The following DYNC1I1 variants were observed in gnomAD, a reference collection of about 807,000 sequenced individuals.
DYNC1I1 encodes cytoplasmic dynein 1 intermediate chain 1.
DYNC1I1 carries 43 observed loss-of-function variants against 86.6 expected under a neutral mutation model. That is an observed-to-expected ratio of 0.50 (90% confidence interval 0.39 to 0.64). DYNC1I1 has a LOEUF of 0.64. Ranked by LOEUF, DYNC1I1 falls within the 30% of genes least tolerant of loss-of-function variation. The pLI is 0.00. For synonymous variants in DYNC1I1, 262 were observed against 283.7 expected, an observed-to-expected ratio of 0.92 and a Z score of 0.77; for missense variants, 604 against 788.8, an observed-to-expected ratio of 0.77 and a Z score of 2.81.
intron 5 of DYNC1I1, among the ~76,000 whole-genome samples, chr7:95,829,350 C>T (rs1434663969): frequency 6.6e-6 from 1 of 152,124 alleles, no homozygotes; most frequent in Non-Finnish European, 1.5e-5. Flanking sequence ...GTAACCGATG[C>T]ACTATTTCTT....
chr7:95,906,820 C>A (rs1468987666), intron 6 of DYNC1I1, among the ~76,000 whole-genome samples: 1 of 152,098 alleles, frequency 6.6e-6, no homozygotes, highest in Non-Finnish European at 1.5e-5. Flanking sequence ...ATGCTTGTGA[C>A]AAACAGAGGT....
intron 1 of DYNC1I1, among the ~76,000 whole-genome samples, chr7:95,800,523 C>T (rs1054502978): frequency 9.9e-5 from 15 of 152,054 alleles, no homozygotes; most frequent in African/African-American, 3.4e-4. Flanking sequence ...GACTCTGCTC[C>T]GAGGATGCTG....
chr7:95,957,329 A>G (rs1280663970), intron 6 of DYNC1I1, among the ~76,000 whole-genome samples: 1 of 152,172 alleles, frequency 6.6e-6, no homozygotes, highest in African/African-American at 2.4e-5. Flanking sequence ...GAATTTCAGA[A>G]CAATCTTCTT....
chr7:95,788,582 G>A (rs919597360), intron 1 of DYNC1I1, among the ~76,000 whole-genome samples: 2 of 152,196 alleles, frequency 1.3e-5, no homozygotes, highest in Non-Finnish European at 2.9e-5. Flanking sequence ...GTTGGTCAGG[G>A]CGATGTCAGT....
chr7:95,843,683 G>A (rs1043973489), intron 5 of DYNC1I1, among the ~76,000 whole-genome samples: 3 of 152,068 alleles, frequency 2.0e-5, no homozygotes, highest in African/African-American at 7.2e-5. Flanking sequence ...GAGAAAAAAG[G>A]GAGATGATAT....
chr7:95,870,711 A>C (rs559496917), intron 6 of DYNC1I1, among the ~76,000 whole-genome samples: 1 of 152,366 alleles, frequency 6.6e-6, no homozygotes, highest in Admixed American at 6.5e-5. Context: ...TCAAGTGAAA[A>C]AGTCACATAC....
chr7:95,956,823 A>C (rs1792729231), intron 6 of DYNC1I1, among the ~76,000 whole-genome samples: 1 of 152,128 alleles, frequency 6.6e-6, no homozygotes, highest in Non-Finnish European at 1.5e-5. Context: ...TGCTATTGTG[A>C]GTGGTGCTGC....
At chr7:96,055,656 A>G (rs1789555358) in intron 14 of DYNC1I1, 1 of 148,394 alleles carries the variant, frequency 6.7e-6, no homozygotes, top group African/African-American at 2.4e-5. Flanking sequence ...CTATTCTAAA[A>G]AAAAACAGTG....
intron 12 of DYNC1I1, among the ~76,000 whole-genome samples, chr7:96,034,054 C>T (rs1201748850): frequency 1.3e-5 from 2 of 151,966 alleles, no homozygotes; most frequent in Admixed American, 1.3e-4. Context: ...CACACATGCA[C>T]ACACACAAAA....
intron 6 of DYNC1I1, among the ~76,000 whole-genome samples, chr7:95,943,676 A>C (rs1792306751): frequency 6.7e-6 from 1 of 149,884 alleles, no homozygotes; most frequent in South Asian, 2.2e-4. Context: ...CAAAACAGAG[A>C]TATAGATCAA....
intron 5 of DYNC1I1, among the ~76,000 whole-genome samples, chr7:95,850,777 A>G (rs1450043626): frequency 6.6e-6 from 1 of 152,200 alleles, no homozygotes; most frequent in African/African-American, 2.4e-5. Flanking sequence ...CAGCCCCACC[A>G]TGTGATTTTT....
At chr7:95,779,059 T>C (rs1481616941) in intron 1 of DYNC1I1, among the ~76,000 whole-genome samples, 2 of 152,064 alleles carry the variant, frequency 1.3e-5, no homozygotes, top group African/African-American at 2.4e-5. Flanking sequence ...ATTATCTCAA[T>C]TGGGGAAAAG....
At chr7:95,951,737 G>A (rs1422240096) in intron 6 of DYNC1I1, among the ~76,000 whole-genome samples, 1 of 152,194 alleles carries the variant, frequency 6.6e-6, no homozygotes, top group African/African-American at 2.4e-5. Flanking sequence ...CTACACAGCA[G>A]ATTTTCTCTG....
chr7:96,048,582 A>G (rs986773215), intron 14 of DYNC1I1, among the ~76,000 whole-genome samples: 1 of 152,204 alleles, frequency 6.6e-6, no homozygotes, highest in Admixed American at 6.5e-5. Context: ...TTGCTAAAAT[A>G]TAAAGAGCCA....
intron 9 of DYNC1I1, among the ~76,000 whole-genome samples, chr7:95,991,939 C>T (rs1422529381): frequency 6.6e-6 from 1 of 152,206 alleles, no homozygotes; most frequent in Non-Finnish European, 1.5e-5. Context: ...CCCCTTACTG[C>T]AACCTCTGCC....
intron 10 of DYNC1I1, among the ~76,000 whole-genome samples, chr7:96,021,872 T>C (rs1480888294): frequency 6.6e-6 from 1 of 152,232 alleles, no homozygotes; most frequent in Non-Finnish European, 1.5e-5. Flanking sequence ...TTCCATTGTA[T>C]GGATTTACCA....
At chr7:96,003,890 C>G (rs1444426398) in intron 10 of DYNC1I1, among the ~76,000 whole-genome samples, 1 of 152,072 alleles carries the variant, frequency 6.6e-6, no homozygotes, top group African/African-American at 2.4e-5. Context: ...AAACTAGGTC[C>G]ACACTTTCTG....
rs143785366 is a variant in DYNC1I1 at position 95,872,835 on chromosome 7, C to T, written c.490+2837C>T. Among the ~76,000 whole-genome samples, 838 of 152,264 alleles carry T rather than the reference C, an allele frequency of 5.5e-3. 3 individuals are homozygous for T. Among genetic ancestry groups the T allele is most frequent in the Middle Eastern group, 0.01 (3 of 294 alleles). On this transcript the variant is annotated intron_variant, in intron 6 of 16. Transcript: ENST00000447467. Reference sequence around the variant, plus strand: ...AGGAAAACGAAATTATGGTCCCCTCCAAGGCTGCCTCTCTGTTGCCTATTA... The same window carrying T: ...AGGAAAACGAAATTATGGTCCCCTCTAAGGCTGCCTCTCTGTTGCCTATTA...
chr7:95,980,068 C>T (rs554063022), intron 7 of DYNC1I1, among the ~76,000 whole-genome samples: 1 of 152,244 alleles, frequency 6.6e-6, no homozygotes, highest in Non-Finnish European at 1.5e-5. Flanking sequence ...ATCTCCAAGT[C>T]GTCTTCTCCA....
Sources: gnomAD v4.1 joint callset for allele counts (sites outside exome capture counted in the v4.1 genomes callset) on GRCh38, gnomAD v4.1.1 for gene constraint, MANE v1.5 for transcripts, NCBI Gene and HGNC (gene_info 2026-07-23, HGNC 2026-07-21) for gene names.